Variants in KANK3 observed in about 807,000 individuals in gnomAD.
KANK3 encodes the protein KN motif and ankyrin repeat domains 3.
In KANK3, 61 loss-of-function variants were observed where a neutral mutation model predicts 65.4. That is an observed-to-expected ratio of 0.93 (90% CI 0.76 to 1.15). KANK3 has a LOEUF of 1.15. KANK3 is among the 50% of genes most tolerant of loss of function. The probability of loss-of-function intolerance (pLI) is 0.00; values close to 1 mark genes in which losing one functional copy is unlikely to be tolerated. For synonymous variants in KANK3, 586 were observed against 543.3 expected, an observed-to-expected ratio of 1.08 and a Z score of -1.09; for missense variants, 1,187 against 1,178.8, an observed-to-expected ratio of 1.01 and a Z score of -0.10.
chr19:8,328,251 A>G (rs991730310), intron 7 of KANK3, among the ~76,000 whole-genome samples: 2 of 152,048 alleles, frequency 1.3e-5, no homozygotes, highest in East Asian at 1.9e-4. Context: ...CATGCCTACA[A>G]AAAAATTTAA....
intron 7 of KANK3, among the ~76,000 whole-genome samples, chr19:8,328,492 G>A (rs562030747): frequency 5.5e-4 from 84 of 151,694 alleles, no homozygotes; most frequent in African/African-American, 1.9e-3. Context: ...AACACTTGAC[G>A]GTTTGCTGTG....
Position 8,334,402 on chromosome 19 carries a change from TG to T in KANK3, c.1344del (p.Met449Ter), listed in dbSNP as rs1454303727. 1.2e-6 allele frequency: 2 copies of T among 1,614,008 alleles called. No homozygotes were observed. The highest frequency in any genetic ancestry group is 1.7e-6 in the Non-Finnish European group (2 of 1,180,006). ...CCAGGTGTGCCGTCTCTCTTCTTCA[TG>T]ATGGATTTGAGGATGCCTGGCGGGG... is the stretch of plus-strand genomic sequence containing the variant. ...AVAPAGILKS[I>X]MKKRDGTPGA... On this transcript the variant is annotated frameshift_variant, in exon 4 of 11. Transcript: ENST00000330915. LOFTEE classifies it high-confidence loss of function.
chr19:8,329,205 G>T (rs184137622), intron 7 of KANK3, among the ~76,000 whole-genome samples: 2 of 149,296 alleles, frequency 1.3e-5, no homozygotes, highest in African/African-American at 4.9e-5. Flanking sequence ...GACAAGTGCC[G>T]GCTGGGTGCG....
chr19:8,337,812 A>C lies in KANK3; in HGVS notation c.17T>G (p.Leu6Arg). Residue 6 changes from leucine to arginine, a missense_variant, in exon 2 of 11, where the codon CTG (leucine) becomes CGG (arginine). By Grantham distance (102) the Leu-to-Arg change is moderately radical. Transcript: ENST00000330915. MAKFA[L>R]NQNLPDLGGP... ...ACACTCACCGGGCAGGTTCTGATTCAGGGCAAACTTGGCCATGTTTCCTGC... is the reference window on the plus strand; with the variant it reads ...ACACTCACCGGGCAGGTTCTGATTCCGGGCAAACTTGGCCATGTTTCCTGC... The C allele has an allele frequency of 6.2e-7, 1 of 1,613,392 alleles. No individual in the cohort carries two copies. The highest frequency in any genetic ancestry group is 1.1e-5 in the South Asian group (1 of 91,070).
At chr19:8,342,145 C>T (rs1970729427) in intron 1 of KANK3, among the ~76,000 whole-genome samples, 1 of 152,184 alleles carries the variant, frequency 6.6e-6, no homozygotes, top group Non-Finnish European at 1.5e-5. Flanking sequence ...AGGCACTTGC[C>T]ACCACAGCTG....
In KANK3 at chr19:8,333,077, T is replaced by C. The variant is rs1970557421; in HGVS notation, c.1873A>G (p.Thr625Ala). The change falls in exon 7 of 11, where the codon ACG (threonine) becomes GCG (alanine). Residue 625 changes from threonine (T) to alanine (A), a missense_variant. By Grantham distance (58) the Thr-to-Ala change is moderately conservative. Transcript: ENST00000330915. This position sits in a 1 kb window ranked among gnomAD's most constrained non-coding sequence, Gnocchi z 5.0. ...VVNLADGNGN[T>A]ALHYSVSHGN... ...TGGGACACACTGTAGTGCAGGGCCG[T>C]GTTCCCGTTGCCATCCGCCAGGTTC... 3 of 1,531,382 alleles carry C rather than the reference T, an allele frequency of 2.0e-6. No homozygotes were observed. In the African/African-American group the frequency reaches 4.2e-5, roughly 21 times the overall value. 94.9% of individuals were successfully genotyped at this position (1,531,382 alleles called of 1,614,324 possible). A position where few individuals can be genotyped will look rare whatever the true frequency, so the allele number is the denominator to read the frequency against.
In KANK3 at chr19:8,335,306, G is replaced by T; in HGVS notation, c.521C>A (p.Ala174Asp). 8.3e-7 allele frequency: 1 copy of T among 1,204,676 alleles called. No homozygotes were observed. Among genetic ancestry groups the T allele is most frequent in the Non-Finnish European group, 1.0e-6 (1 of 970,660 alleles). 74.6% of individuals were successfully genotyped at this position (1,204,676 alleles called of 1,614,324 possible). ...SGRSSPAPNLAPASPGPAQLQ... is the reference protein window; with the variant it reads ...SGRSSPAPNLDPASPGPAQLQ... ...TTGGGCAGGGCCGGGCGAAGCAGGG[G>T]CAAGGTTAGGGGCGGGGCTGCTGCG... Residue 174 changes from alanine (A) to aspartate (D), a missense_variant, in exon 3 of 11, where the codon GCC becomes GAC. Around this residue, in one of 3 missense-constraint regions of KANK3, gnomAD observed 1,078 missense variants for 1,038.2 expected, o/e 1.04. Transcript: ENST00000330915.
chr19:8,337,590 C>A (rs1970663390), intron 2 of KANK3, among the ~76,000 whole-genome samples: 1 of 152,028 alleles, frequency 6.6e-6, no homozygotes, highest in Non-Finnish European at 1.5e-5. Context: ...AAGTGATCCG[C>A]CCACCGTGGC....
In KANK3 at chr19:8,333,134, G is replaced by T. The variant is rs370903263; in HGVS notation, c.1816C>A (p.Arg606Ser). The stretch of plus-strand genomic sequence containing the variant: ...TGCGCCAGCAGTTCGGGTCCCAGGC[G>T]CCTCACCCCTTCCAGCATCCTGGCC... The part of the protein sequence containing the change: ...PVARMLEGVR[R>S]LGPELLAHVV... Residue 606 changes from arginine (R) to serine (S), a missense_variant, in exon 7 of 11, where the codon CGC (arginine) becomes AGC (serine). Arg to Ser is a moderately radical substitution (Grantham distance 110, BLOSUM62 -1). Around this residue, in one of 3 missense-constraint regions of KANK3, gnomAD observed 1,078 missense variants for 1,038.2 expected, o/e 1.04. Coordinates refer to ENST00000330915, the MANE Select transcript of KANK3 (RefSeq NM_198471.3). The surrounding 1 kb of genome is among the most constrained non-coding windows in gnomAD (Gnocchi z 5.0). 2 of 1,612,922 alleles carry T rather than the reference G, an allele frequency of 1.2e-6. No individual in the cohort carries two copies. The highest frequency in any genetic ancestry group is 1.3e-5 in the African/African-American group (1 of 74,930).
At chr19:8,337,050 T>G (rs191108766) in intron 2 of KANK3, among the ~76,000 whole-genome samples, 225 of 151,846 alleles carry the variant, frequency 1.5e-3, no homozygotes, top group African/African-American at 5.2e-3. Context: ...TTCTTTTTTT[T>G]GAGACGGAGT....
intron 7 of KANK3, among the ~76,000 whole-genome samples, chr19:8,330,198 A>T (rs1970499219): frequency 6.6e-6 from 1 of 152,192 alleles, no homozygotes; most frequent in Non-Finnish European, 1.5e-5. Context: ...GAAAGAGGAA[A>T]CAGCCCCTGA....
At position 8,326,958 on chromosome 19, in the gene KANK3, C is replaced by T. The variant is rs548975361; in HGVS notation, c.1937-1862G>A. On this transcript the variant is annotated intron_variant, in intron 7 of 10. Transcript: ENST00000330915. ...TGAAACACAAACGTGAGCTCAGTTT[C>T]CTCTGGGATCAGTTCTGTTACCATC... 2.9e-4 allele frequency among the ~76,000 whole-genome samples: 44 copies of T among 152,288 alleles called. No homozygotes were observed. The South Asian group carries it at 8.5e-3, about 29-fold the overall frequency.
chr19:8,340,273 A>C (rs1204140127), intron 1 of KANK3, among the ~76,000 whole-genome samples: 3 of 34,418 alleles, frequency 8.7e-5, no homozygotes, highest in Non-Finnish European at 1.5e-4. Flanking sequence ...AAAAAAAAAA[A>C]CCATATATAT....
chr19:8,325,065 G>C lies in KANK3; in HGVS notation c.1968C>G (p.Ala656=), dbSNP rs373935743. Residue 656 remains alanine, a synonymous_variant, in exon 8 of 11, where the codon GCC becomes GCG. Coordinates refer to ENST00000330915, the MANE Select transcript of KANK3 (RefSeq NM_198471.3). ...GACEVNRQNR[A]GYSALMLAAL... is the part of the protein sequence containing the mutation. Reference sequence around the variant, plus strand: ...CAGCCAGCATGAGGGCCGAGTAGCCGGCTCGGTTCTGGCGGTTGACCTCGC... The same window carrying C: ...CAGCCAGCATGAGGGCCGAGTAGCCCGCTCGGTTCTGGCGGTTGACCTCGC... The C allele has an allele frequency of 4.4e-5, 71 of 1,613,540 alleles. No homozygotes were observed. In the Admixed American group the frequency reaches 7.0e-4, roughly 16 times the overall value.
Position 8,334,046 on chromosome 19 carries a change from G to A in KANK3, c.1498C>T (p.Pro500Ser), listed in dbSNP as rs1178124998. Residue 500 changes from proline to serine, a missense_variant, in exon 5 of 11, where the codon CCG becomes TCG. Physicochemically the swap from Pro to Ser is moderately conservative, Grantham distance 74. This residue lies in a region of KANK3 where 1,078 missense variants were observed against 1,038.2 expected (regional missense o/e 1.04). Transcript: ENST00000330915. ...TCCCCGGAGCCCGAGGAGCTACCCG[G>A]GGGCTCGGCGCCACCGTTCTCGCTG... is the stretch of plus-strand genomic sequence containing the variant. ...GDSENGGAEP[P>S]GSSSGSGDDS... The A allele has an allele frequency of 4.5e-6, 7 of 1,541,202 alleles. No homozygotes were observed. Among genetic ancestry groups the A allele is most frequent in the Non-Finnish European group, 6.1e-6 (7 of 1,148,572 alleles).
At chr19:8,329,064 G>A (rs1489886991) in intron 7 of KANK3, among the ~76,000 whole-genome samples, 1 of 151,640 alleles carries the variant, frequency 6.6e-6, no homozygotes, top group Admixed American at 6.6e-5. Flanking sequence ...CCAGCTGCTG[G>A]GGAGGCTGAG....
chr19:8,335,404 C>A lies in KANK3; in HGVS notation c.423G>T (p.Leu141=). 1 of 1,203,254 alleles carries A rather than the reference C, an allele frequency of 8.3e-7. No homozygotes were observed. The highest frequency in any genetic ancestry group is 1.0e-6 in the Non-Finnish European group (1 of 969,520). 74.5% of individuals were successfully genotyped at this position (1,203,254 alleles called of 1,614,324 possible). A position where few individuals can be genotyped will look rare whatever the true frequency, so the allele number is the denominator to read the frequency against. ...EHTLRETSRR[L]ELAQTHERAP... ...CGCGCTCGTGTGTCTGCGCCAGCTC[C>A]AGCCGCCGGCTGGTCTCCCGGAGCG... Residue 141 remains leucine, a synonymous_variant, in exon 3 of 11, where the codon CTG becomes CTT. Transcript: ENST00000330915.
intron 7 of KANK3, among the ~76,000 whole-genome samples, chr19:8,325,637 C>T (rs1970414491): frequency 1.3e-5 from 2 of 152,074 alleles, no homozygotes; most frequent in Admixed American, 6.6e-5. Context: ...TTCTGTATCC[C>T]TCAGTACTTA....
At chr19:8,332,987 T>TGGGGGCCCCCCC in intron 7 of KANK3, 27 bp downstream of exon 7, 1 of 395,198 alleles carries the variant, frequency 2.5e-6, no homozygotes, top group Non-Finnish European at 4.8e-6. Flanking sequence ...TTTCCTGGTG[T>TGGGGGCCCCCCC]CCCACCCACC....
Sources: gnomAD v4.1 joint callset for allele counts (sites outside exome capture counted in the v4.1 genomes callset) on GRCh38, gnomAD v4.1.1 for gene constraint, gnomAD v4.1.1 regional missense constraint, Gnocchi (gnomAD v3.1) non-coding constraint, MANE v1.5 for transcripts, NCBI Gene and HGNC (gene_info 2026-07-23, HGNC 2026-07-21) for gene names.